Variants in INTS7 observed in about 807,000 individuals in gnomAD.
INTS7 encodes the protein chromosome 1 open reading frame 73.
In INTS7, 46 loss-of-function variants were observed where a neutral mutation model predicts 109.2. The ratio of observed to expected loss-of-function variants is 0.42; its 90% CI spans 0.33 to 0.54. The LOEUF (loss-of-function observed/expected upper bound fraction) is 0.54, where lower values mean the gene tolerates loss of function less well. Among genes scored for constraint, INTS7 ranks in the 20% least tolerant of loss-of-function variants. The pLI is 0.07. For missense variants in INTS7, 929 were observed against 1,132.4 expected (o/e 0.82, Z 2.58); for synonymous variants, 412 against 402.9 (o/e 1.02, Z -0.27).
chr1:211,977,323 T>C (rs547784594), intron 11 of INTS7, among the ~76,000 whole-genome samples: 37 of 152,236 alleles, frequency 2.4e-4, no homozygotes, highest in Non-Finnish European at 5.3e-4. Flanking sequence ...TCAGATTTTT[T>C]GAATATTATG....
At position 211,953,091 on chromosome 1, in the gene INTS7, G is replaced by A. The variant is rs930416560; in HGVS notation, c.2184-390C>T. The stretch of plus-strand genomic sequence containing the variant: ...TAACAGGTTAGATATATAAATAACA[G>A]GTCAGAACATGGAGGAATGTCACAG... On this transcript the variant is annotated intron_variant, in intron 16 of 19. Coordinates refer to ENST00000366994, the MANE Select transcript of INTS7 (RefSeq NM_015434.4). 2.0e-5 allele frequency among the ~76,000 whole-genome samples: 3 copies of A among 152,288 alleles called. No individual in the cohort carries two copies. In the East Asian group the frequency reaches 5.8e-4, roughly 29 times the overall value.
At chr1:211,977,330 T>C (rs1450060561) in intron 11 of INTS7, among the ~76,000 whole-genome samples, 1 of 152,354 alleles carries the variant, frequency 6.6e-6, no homozygotes, top group Non-Finnish European at 1.5e-5. Flanking sequence ...TTTTGAATAT[T>C]ATGTTTCATA....
At chr1:212,034,657 C>T (rs1667338413) in intron 1 of INTS7, among the ~76,000 whole-genome samples, 1 of 152,170 alleles carries the variant, frequency 6.6e-6, no homozygotes, top group Non-Finnish European at 1.5e-5. Flanking sequence ...TTTTGCATAC[C>T]ATTAAGTCAC....
chr1:212,001,955 C>G (rs1419853570), intron 7 of INTS7, among the ~76,000 whole-genome samples: 4 of 152,176 alleles, frequency 2.6e-5, no homozygotes, highest in African/African-American at 9.7e-5. Flanking sequence ...TGACAACTCT[C>G]ATATTTATAA....
At chr1:211,981,414 T>G (rs1664660586) in intron 9 of INTS7, among the ~76,000 whole-genome samples, 1 of 152,282 alleles carries the variant, frequency 6.6e-6, no homozygotes, top group East Asian at 1.9e-4. Context: ...ATTGAAGTAT[T>G]TATAAAAATA....
chr1:211,955,600 T>C (rs1415707997), intron 16 of INTS7, among the ~76,000 whole-genome samples: 1 of 152,192 alleles, frequency 6.6e-6, no homozygotes, highest in Non-Finnish European at 1.5e-5. Context: ...CTTTTGAAAA[T>C]ACAATGTAGG....
chr1:211,961,157 A>C (rs920460168), intron 16 of INTS7, among the ~76,000 whole-genome samples: 1 of 152,172 alleles, frequency 6.6e-6, no homozygotes, highest in Non-Finnish European at 1.5e-5. Flanking sequence ...CTTGGAAGAC[A>C]TATTTCAGGG....
intron 3 of INTS7, among the ~76,000 whole-genome samples, chr1:212,018,988 G>A (rs1365551090): frequency 2.0e-5 from 3 of 152,292 alleles, no homozygotes; most frequent in East Asian, 1.9e-4. Context: ...AGTGGCTCAC[G>A]CCTGTAATCC....
intron 1 of INTS7, among the ~76,000 whole-genome samples, chr1:212,035,080 G>C (rs1157274225): frequency 4.6e-5 from 7 of 152,188 alleles, no homozygotes; most frequent in Admixed American, 2.6e-4. Flanking sequence ...AAAATCGGGG[G>C]ACTGCTCCCT....
intron 2 of INTS7, 25 bp from the exon 3 acceptor site, chr1:212,020,293 GT>G: frequency 7.0e-7 from 1 of 1,436,796 alleles, no homozygotes; most frequent in Non-Finnish European, 9.5e-7. Flanking sequence ...AATAAATTAG[GT>G]CACTTTAGAA....
intron 7 of INTS7, among the ~76,000 whole-genome samples, chr1:211,992,616 G>C (rs563470058): frequency 1.8e-4 from 28 of 152,204 alleles, no homozygotes; most frequent in African/African-American, 5.5e-4. Flanking sequence ...CCAGGAATTT[G>C]AGGTTGCAAT....
rs1664649131 is a variant in INTS7 at position 211,981,194 on chromosome 1, G to C, written c.1133-4C>G. The C allele has an allele frequency of 6.3e-7, 1 of 1,594,418 alleles. No individual in the cohort carries two copies. On this transcript the variant is annotated splice_region_variant and splice_polypyrimidine_tract_variant and intron_variant, in intron 9 of 19. Transcript: ENST00000366994. ...TCTTGTTCCAGTGCCAAAAGATCTA[G>C]AAGAAAAACAGTAAACTTTATGATG...
intron 10 of INTS7, among the ~76,000 whole-genome samples, chr1:211,980,693 C>T (rs1317804969): frequency 6.6e-6 from 1 of 151,992 alleles, no homozygotes; most frequent in Non-Finnish European, 1.5e-5. Flanking sequence ...CCACCTTGAC[C>T]GCCCCAAAAT....
At chr1:211,997,518 T>A in intron 7 of INTS7, among the ~76,000 whole-genome samples, 1 of 97,730 alleles carries the variant, frequency 1.0e-5, no homozygotes, top group South Asian at 3.8e-4. Flanking sequence ...GTGAAACCTA[T>A]CTCCAAACAG....
chr1:211,956,231 CT>C (rs1443482917), intron 16 of INTS7, among the ~76,000 whole-genome samples: 1 of 152,188 alleles, frequency 6.6e-6, no homozygotes, highest in Non-Finnish European at 1.5e-5. Flanking sequence ...TATTTCTGGA[CT>C]CTTAATCCTA....
At chr1:211,961,698 G>C (rs956893448) in intron 16 of INTS7, among the ~76,000 whole-genome samples, 1 of 152,046 alleles carries the variant, frequency 6.6e-6, no homozygotes, top group African/African-American at 2.4e-5. Flanking sequence ...CAAAGTGCTA[G>C]GATTACAGGT....
intron 7 of INTS7, among the ~76,000 whole-genome samples, chr1:211,998,315 T>A (rs1665503831): frequency 6.6e-6 from 1 of 152,210 alleles, no homozygotes. Flanking sequence ...ACTCACACTA[T>A]CTGATTCCAA....
At position 212,005,612 on chromosome 1, in the gene INTS7, T is replaced by C. The variant is rs1665870551; in HGVS notation, c.879+1027A>G. Among the ~76,000 whole-genome samples, 3 of 152,306 alleles carry C rather than the reference T, an allele frequency of 2.0e-5. No homozygotes were observed. In the South Asian group the frequency reaches 6.2e-4, roughly 32 times the overall value. Reference sequence around the variant, plus strand: ...CTTCTCACTCATCTTTCTAAATAACTGGGTTTGGTTCTTTGTACAAATTCT... The same window carrying C: ...CTTCTCACTCATCTTTCTAAATAACCGGGTTTGGTTCTTTGTACAAATTCT... On this transcript the variant is annotated intron_variant, in intron 7 of 19. Coordinates refer to ENST00000366994, the MANE Select transcript of INTS7 (RefSeq NM_015434.4).
At chr1:211,999,112 C>A (rs772941030) in intron 7 of INTS7, among the ~76,000 whole-genome samples, 6 of 152,170 alleles carry the variant, frequency 3.9e-5, no homozygotes, top group Non-Finnish European at 7.3e-5. Context: ...GTGTTTACCA[C>A]ACAACCCAGC....
Sources: allele counts gnomAD v4.1 joint callset (sites outside exome capture counted in the v4.1 genomes callset), GRCh38; gene constraint gnomAD v4.1.1; transcripts MANE v1.5; gene names NCBI Gene and HGNC (gene_info 2026-07-23, HGNC 2026-07-21).